The following CYP7B1 variants were observed in gnomAD, a reference collection of about 807,000 sequenced individuals.
The protein encoded by CYP7B1 is cytochrome P450 7B1.
A neutral mutation model predicts 42.7 loss-of-function variants in CYP7B1; 29 were observed. The ratio of observed to expected loss-of-function variants is 0.68; its 90% confidence interval spans 0.51 to 0.93. The LOEUF is 0.93. Ranked by LOEUF, CYP7B1 falls within the 40% of genes least tolerant of loss-of-function variation. CYP7B1 has a pLI of 0.00. For missense variants in CYP7B1, 655 were observed against 600.5 expected (o/e 1.09, Z -0.95); for synonymous variants, 235 against 218.2 (o/e 1.08, Z -0.68).
intron 1 of CYP7B1, among the ~76,000 whole-genome samples, chr8:64,769,624 G>T (rs964519979): frequency 6.6e-6 from 1 of 152,158 alleles, no homozygotes; most frequent in Non-Finnish European, 1.5e-5. Context: ...ACGCTTGAAT[G>T]TATTCCATCC....
In CYP7B1 at chr8:64,676,441, G is replaced by C. The variant is rs532873584; in HGVS notation, c.123-51902C>G. On this transcript the variant is annotated intron_variant, in intron 1 of 5. Coordinates refer to ENST00000310193, the MANE Select transcript of CYP7B1 (RefSeq NM_004820.5). ...ACCTCTGAATCACATTGGATGACCT[G>C]GGTTTTATACACTGTGAGACCATCT... Among the ~76,000 whole-genome samples, 85 of 152,114 alleles carry C rather than the reference G, an allele frequency of 5.6e-4. 1 individual carries two copies. In the Middle Eastern group the frequency reaches 0.017, roughly 30 times the overall value.
chr8:64,684,458 T>G (rs866319410), intron 1 of CYP7B1, among the ~76,000 whole-genome samples: 1 of 152,382 alleles, frequency 6.6e-6, no homozygotes, highest in South Asian at 2.1e-4. Flanking sequence ...TAGTATATGA[T>G]AAACCCTGTA....
intron 1 of CYP7B1, among the ~76,000 whole-genome samples, chr8:64,740,361 A>G (rs1807549959): frequency 1.3e-5 from 2 of 152,010 alleles, no homozygotes; most frequent in Non-Finnish European, 2.9e-5. Flanking sequence ...ATATATATTT[A>G]CATATTATGT....
At chr8:64,651,171 G>A (rs968723473) in intron 1 of CYP7B1, among the ~76,000 whole-genome samples, 4 of 152,128 alleles carry the variant, frequency 2.6e-5, no homozygotes, top group Non-Finnish European at 5.9e-5. Context: ...CTTCTGAGAT[G>A]GTTTCTCTCT....
chr8:64,598,538 T>C (rs545353706), intron 5 of CYP7B1, among the ~76,000 whole-genome samples: 95 of 152,306 alleles, frequency 6.2e-4, no homozygotes, highest in Non-Finnish European at 1.2e-3. Context: ...CCCCACTAGT[T>C]AAGCCAGCAA....
At chr8:64,683,752 A>T (rs118169648) in intron 1 of CYP7B1, among the ~76,000 whole-genome samples, 2,217 of 152,262 alleles carry the variant, frequency 0.015, 26 homozygotes, top group Non-Finnish European at 0.024. Context: ...CAAAAATAAA[A>T]ATAAACAGTG....
At chr8:64,725,666 G>A (rs991092450) in intron 1 of CYP7B1, among the ~76,000 whole-genome samples, 3 of 152,224 alleles carry the variant, frequency 2.0e-5, no homozygotes, top group Non-Finnish European at 2.9e-5. Context: ...AGGGAATGCA[G>A]AGAGTGGGAG....
intron 1 of CYP7B1, among the ~76,000 whole-genome samples, chr8:64,700,639 A>T (rs981910668): frequency 6.6e-6 from 1 of 152,182 alleles, no homozygotes; most frequent in Non-Finnish European, 1.5e-5. Context: ...GTGATTGGTA[A>T]TAAGCCTCTT....
chr8:64,798,470 T>G lies in CYP7B1; in HGVS notation c.118A>C (p.Thr40Pro), dbSNP rs1005078786. The G allele has an allele frequency of 6.6e-7, 1 of 1,512,028 alleles. No homozygotes were observed. The allele number at this position is 1,512,028 out of a possible 1,614,324, so 93.7% of individuals were successfully genotyped here. Reference protein sequence around the residue: ...LLALCLLVRRTRRPGEPPLIK... With the variant: ...LLALCLLVRRPRRPGEPPLIK... ...CCTGGCGGCCGAGGCGCTTACCTGG[T>G]GCGCCGGACAAGCAAGCAGAGGGCC... Residue 40 changes from threonine to proline, a missense_variant, in exon 1 of 6, where the codon ACC (threonine) becomes CCC (proline). By Grantham distance (38) the Thr-to-Pro change is conservative. Coordinates refer to ENST00000310193, the MANE Select transcript of CYP7B1 (RefSeq NM_004820.5).
chr8:64,685,825 T>G (rs1302104697), intron 1 of CYP7B1, among the ~76,000 whole-genome samples: 6 of 25,634 alleles, frequency 2.3e-4, no homozygotes, highest in African/African-American at 6.6e-4. Context: ...GGGAGGGAGG[T>G]GGGGGGTCAG....
At chr8:64,702,537 C>T (rs571634893) in intron 1 of CYP7B1, among the ~76,000 whole-genome samples, 3 of 152,054 alleles carry the variant, frequency 2.0e-5, no homozygotes, top group African/African-American at 7.2e-5. Flanking sequence ...TTGATAACAC[C>T]AGAAACACAT....
chr8:64,692,461 A>G (rs976256324), intron 1 of CYP7B1, among the ~76,000 whole-genome samples: 3 of 152,228 alleles, frequency 2.0e-5, no homozygotes, highest in African/African-American at 7.2e-5. Flanking sequence ...TAGGTCAGCT[A>G]TCTATCTAAG....
At chr8:64,681,306 T>G (rs975470227) in intron 1 of CYP7B1, among the ~76,000 whole-genome samples, 2 of 152,166 alleles carry the variant, frequency 1.3e-5, no homozygotes, top group African/African-American at 2.4e-5. Flanking sequence ...ACGGAGTGTG[T>G]CTTCCACCAA....
chr8:64,764,429 C>T (rs893538943), intron 1 of CYP7B1, among the ~76,000 whole-genome samples: 13 of 151,872 alleles, frequency 8.6e-5, no homozygotes, highest in Admixed American at 3.3e-4. Context: ...GAGAGAAAGA[C>T]AGAAAGGAAG....
At chr8:64,685,197 G>C (rs4737198) in intron 1 of CYP7B1, among the ~76,000 whole-genome samples, 49 of 151,290 alleles carry the variant, frequency 3.2e-4, no homozygotes, top group Non-Finnish European at 6.4e-4. Flanking sequence ...CTGGAGGAGC[G>C]GACGGGCCCC....
At chr8:64,632,422 A>G (rs886503887) in intron 1 of CYP7B1, among the ~76,000 whole-genome samples, 9 of 151,992 alleles carry the variant, frequency 5.9e-5, no homozygotes, top group Non-Finnish European at 1.2e-4. Flanking sequence ...GGGGAGAGGG[A>G]GGAAATGGGG....
chr8:64,677,338 G>A (rs1424456574), intron 1 of CYP7B1, among the ~76,000 whole-genome samples: 2 of 147,612 alleles, frequency 1.4e-5, no homozygotes, highest in Non-Finnish European at 3.0e-5. Context: ...AATAGAAGTT[G>A]TCATAGAGGT....
chr8:64,656,316 T>C (rs976000846), intron 1 of CYP7B1, among the ~76,000 whole-genome samples: 24 of 152,214 alleles, frequency 1.6e-4, no homozygotes, highest in African/African-American at 5.8e-4. Flanking sequence ...CCAAAGTCTG[T>C]TCTCTTGGCT....
In CYP7B1 at chr8:64,592,013, C is replaced by T. The variant is rs1805043597; in HGVS notation, c.*4629G>A. ...GACCAGCCTGATCAACATGGTGAAA[C>T]CTCGTCTCCACTAAAAATACAAAAG... is the stretch of plus-strand genomic sequence containing the variant. On this transcript the variant is annotated 3_prime_UTR_variant, in exon 6 of 6. Transcript: ENST00000310193. Among the ~76,000 whole-genome samples, 2 of 152,052 alleles carry T rather than the reference C, an allele frequency of 1.3e-5. No individual in the cohort carries two copies. Among genetic ancestry groups the T allele is most frequent in the Middle Eastern group, 3.4e-3 (1 of 294 alleles).
Sources: gnomAD v4.1 joint callset for allele counts (sites outside exome capture counted in the v4.1 genomes callset) on GRCh38, gnomAD v4.1.1 for gene constraint, MANE v1.5 for transcripts, NCBI Gene and HGNC (gene_info 2026-07-23, HGNC 2026-07-21) for gene names.